SH3D19: variants seen among roughly 807,000 people sequenced by gnomAD.
SH3D19 encodes SH3 domain-containing protein 19.
A neutral mutation model predicts 112.1 loss-of-function variants in SH3D19; 58 were observed. The ratio of observed to expected loss-of-function variants is 0.52; its 90% CI spans 0.42 to 0.64. SH3D19 has a LOEUF of 0.64. Among genes scored for constraint, SH3D19 ranks in the 30% least tolerant of loss-of-function variants. SH3D19 has a pLI of 0.00. For missense variants in SH3D19, 1,090 were observed against 1,263.4 expected (o/e 0.86, Z 2.08); for synonymous variants, 391 against 448.5 (o/e 0.87, Z 1.62).
intron 1 of SH3D19, among the ~76,000 whole-genome samples, chr4:151,258,645 C>A (rs1376896700): frequency 6.6e-6 from 1 of 152,216 alleles, no homozygotes; most frequent in Non-Finnish European, 1.5e-5. Context: ...TCTCCCAGGA[C>A]AGCAGGGGAC....
chr4:151,214,437 C>T (rs1400212948), intron 2 of SH3D19, among the ~76,000 whole-genome samples: 2 of 15,906 alleles, frequency 1.3e-4, no homozygotes, highest in African/African-American at 1.7e-4. Context: ...ACCTCCCGGA[C>T]GAGGCTGCTG....
At chr4:151,161,942 T>C (rs1218631707) in intron 8 of SH3D19, among the ~76,000 whole-genome samples, 1 of 151,918 alleles carries the variant, frequency 6.6e-6, no homozygotes, top group Non-Finnish European at 1.5e-5. Context: ...ATTCTTTTTT[T>C]TTAATTGAGC....
intron 2 of SH3D19, among the ~76,000 whole-genome samples, chr4:151,192,428 C>T (rs916839225): frequency 2.0e-5 from 3 of 152,136 alleles, no homozygotes; most frequent in Non-Finnish European, 2.9e-5. Context: ...ATCAGAGTCT[C>T]AAGATATGTT....
intron 8 of SH3D19, among the ~76,000 whole-genome samples, chr4:151,162,906 C>G (rs979814259): frequency 6.6e-6 from 1 of 152,168 alleles, no homozygotes; most frequent in Non-Finnish European, 1.5e-5. Flanking sequence ...CATATAGGAA[C>G]TTGGACTTTG....
chr4:151,268,373 G>GC (rs1392567211), intron 1 of SH3D19, among the ~76,000 whole-genome samples: 1 of 152,080 alleles, frequency 6.6e-6, no homozygotes, highest in Non-Finnish European at 1.5e-5. Context: ...GAATGTGAAC[G>GC]CCTAGGACAT....
At chr4:151,157,295 C>G (rs1208377937) in intron 9 of SH3D19, among the ~76,000 whole-genome samples, 1 of 151,408 alleles carries the variant, frequency 6.6e-6, no homozygotes, top group Admixed American at 6.6e-5. Flanking sequence ...GGGTATTTCT[C>G]AAAAGAAGAC....
chr4:151,256,293 G>A (rs183108657), intron 1 of SH3D19, among the ~76,000 whole-genome samples: 3 of 152,278 alleles, frequency 2.0e-5, no homozygotes, highest in African/African-American at 7.2e-5. Flanking sequence ...AGAAATACAA[G>A]TCAGATTCCT....
intron 1 of SH3D19, among the ~76,000 whole-genome samples, chr4:151,263,664 C>T (rs1458683377): frequency 6.6e-6 from 1 of 152,240 alleles, no homozygotes; most frequent in Non-Finnish European, 1.5e-5. Context: ...AGCTTCCAAG[C>T]TCACTCATGT....
chr4:151,227,427 A>T (rs1293622242), intron 1 of SH3D19, among the ~76,000 whole-genome samples: 1 of 152,254 alleles, frequency 6.6e-6, no homozygotes, highest in Non-Finnish European at 1.5e-5. Flanking sequence ...GCCTGCTTAG[A>T]TATAATGATT....
rs537636530 is a variant in SH3D19, at chr4:151,294,033, C to A, written c.112+31208G>T. Among the ~76,000 whole-genome samples, 3 of 152,216 alleles carry A rather than the reference C, an allele frequency of 2.0e-5. No individual in the cohort carries two copies. The South Asian group carries it at 6.2e-4, about 32-fold the overall frequency. Reference sequence around the variant, plus strand: ...GGACAGGTCCTCCTAATTCTCATAGCACTATGAAGCCCTCCTTTATAGAAC... The same window carrying A: ...GGACAGGTCCTCCTAATTCTCATAGAACTATGAAGCCCTCCTTTATAGAAC... On this transcript the variant is annotated intron_variant, in intron 1 of 19. Transcript: ENST00000604030.
intron 9 of SH3D19, among the ~76,000 whole-genome samples, chr4:151,155,723 TA>T (rs1211940351): frequency 1.3e-5 from 2 of 151,950 alleles, no homozygotes; most frequent in Non-Finnish European, 2.9e-5. Context: ...CTGTCTCTAC[TA>T]AAAATACAAA....
rs142834276 is a variant in SH3D19, at chr4:151,236,497, A to C, written c.113-10411T>G. On this transcript the variant is annotated intron_variant, in intron 1 of 19. Transcript: ENST00000604030. ...GAGAACTTTTCTGTCTAGCTAAAGGATTGTAAATGCACCAATCAGCACTCT... is the reference window on the plus strand; with the variant it reads ...GAGAACTTTTCTGTCTAGCTAAAGGCTTGTAAATGCACCAATCAGCACTCT... Among the ~76,000 whole-genome samples the C allele has an allele frequency of 2.2e-3, 329 of 152,330 alleles. 1 individual carries two copies. Among genetic ancestry groups the C allele is most frequent in the Non-Finnish European group, 3.7e-3 (254 of 68,032 alleles).
chr4:151,310,267 G>A (rs946266656), intron 1 of SH3D19, among the ~76,000 whole-genome samples: 5 of 151,502 alleles, frequency 3.3e-5, no homozygotes, highest in Non-Finnish European at 7.4e-5. Flanking sequence ...CCAGCTACTC[G>A]GGAGGCTGAA....
chr4:151,255,445 C>T (rs999322155), intron 1 of SH3D19, among the ~76,000 whole-genome samples: 19 of 151,228 alleles, frequency 1.3e-4, no homozygotes, highest in South Asian at 2.1e-4. Context: ...CGGGCAGAGA[C>T]GCTCCTCACT....
chr4:151,257,896 T>G (rs1005957990), intron 1 of SH3D19, among the ~76,000 whole-genome samples: 1 of 151,768 alleles, frequency 6.6e-6, no homozygotes, highest in Non-Finnish European at 1.5e-5. Context: ...GGTAAGAGAG[T>G]GAGAGTCTGT....
intron 9 of SH3D19, among the ~76,000 whole-genome samples, chr4:151,157,748 A>G (rs899323428): frequency 6.6e-6 from 1 of 152,242 alleles, no homozygotes; most frequent in Non-Finnish European, 1.5e-5. Context: ...ATGGAATACT[A>G]TACAGCCATA....
At chr4:151,141,899 C>A (rs909408072) in intron 12 of SH3D19, among the ~76,000 whole-genome samples, 2 of 152,142 alleles carry the variant, frequency 1.3e-5, no homozygotes, top group Non-Finnish European at 2.9e-5. Flanking sequence ...ATTTGTGCCT[C>A]CCAGTCACAC....
intron 9 of SH3D19, among the ~76,000 whole-genome samples, chr4:151,153,369 C>G (rs1052975184): frequency 1.3e-5 from 2 of 151,970 alleles, no homozygotes; most frequent in Non-Finnish European, 2.9e-5. Context: ...GCGTCAGCCT[C>G]CCAAGTAGCT....
At chr4:151,220,962 G>A (rs985359517) in intron 2 of SH3D19, among the ~76,000 whole-genome samples, 2 of 152,190 alleles carry the variant, frequency 1.3e-5, no homozygotes, top group East Asian at 1.9e-4. Flanking sequence ...CAAGAACAAC[G>A]CAGATATTTC....
Sources: allele counts gnomAD v4.1 joint callset (sites outside exome capture counted in the v4.1 genomes callset), GRCh38; gene constraint gnomAD v4.1.1; transcripts MANE v1.5; gene names NCBI Gene and HGNC (gene_info 2026-07-23, HGNC 2026-07-21).